RAD51: variants seen among roughly 807,000 people sequenced by gnomAD.
RAD51 encodes RAD51 recombinase.
A neutral mutation model predicts 41.5 loss-of-function variants in RAD51; 14 were observed. The observed-to-expected ratio is 0.34, with a 90% CI of 0.22 to 0.53. The LOEUF (loss-of-function observed/expected upper bound fraction) is 0.53, where lower values mean the gene tolerates loss of function less well. Among genes scored for constraint, RAD51 ranks in the 20% least tolerant of loss-of-function variants. The pLI, the probability that RAD51 is intolerant of heterozygous loss-of-function variation, is 0.95. For missense variants in RAD51, 234 were observed against 422.0 expected (o/e 0.55, Z 3.90); for synonymous variants, 136 against 148.6 (o/e 0.92, Z 0.62).
chr15:40,721,195 T>C (rs1425510795), intron 6 of RAD51, among the ~76,000 whole-genome samples: 2 of 152,118 alleles, frequency 1.3e-5, no homozygotes, highest in Admixed American at 1.3e-4. Context: ...GAAAAGGCAG[T>C]TCTCCTCAGA....
At chr15:40,724,100 A>C (rs1358926121) in intron 6 of RAD51, among the ~76,000 whole-genome samples, 1 of 152,188 alleles carries the variant, frequency 6.6e-6, no homozygotes, top group South Asian at 2.1e-4. Context: ...CAACCTATTG[A>C]ATGTATACCA....
intron 6 of RAD51, among the ~76,000 whole-genome samples, chr15:40,725,633 A>T (rs1453125991): frequency 6.6e-6 from 1 of 152,182 alleles, no homozygotes; most frequent in Non-Finnish European, 1.5e-5. Context: ...AAATTGTCTG[A>T]TGGGACTTCA....
intron 7 of RAD51, 38 bp from the exon 8 acceptor site, chr15:40,729,467 G>C: frequency 6.2e-7 from 1 of 1,607,788 alleles, no homozygotes; most frequent in Middle Eastern, 1.7e-4. Context: ...TCTGACACAG[G>C]CTAGAAATAG....
intron 6 of RAD51, among the ~76,000 whole-genome samples, chr15:40,719,874 T>C (rs1480279785): frequency 4.6e-5 from 7 of 152,020 alleles, no homozygotes. Context: ...AGGAACATTT[T>C]ATAATTAAAA....
intron 7 of RAD51, among the ~76,000 whole-genome samples, chr15:40,729,224 T>A (rs984983756): frequency 2.6e-5 from 4 of 151,488 alleles, no homozygotes; most frequent in African/African-American, 9.7e-5. Flanking sequence ...TACAAAAAAA[T>A]TAGCTGGGTG....
At chr15:40,698,907 T>G in intron 2 of RAD51, 62 bp downstream of exon 2, 1 of 1,463,686 alleles carries the variant, frequency 6.8e-7, no homozygotes, top group Non-Finnish European at 9.6e-7. Context: ...GTGGAAGGTA[T>G]TACAACCTTT....
intron 5 of RAD51, among the ~76,000 whole-genome samples, chr15:40,710,488 C>T (rs1308233474): frequency 9.4e-6 from 1 of 106,256 alleles, no homozygotes; most frequent in Non-Finnish European, 1.7e-5. Flanking sequence ...GTCAAAGAAG[C>T]GAGACTCTGT....
rs373651694 is a variant in RAD51 at position 40,726,715 on chromosome 15, C to A, written c.531-1996C>A. ...GGATCACAAGGTCAGGAGATCGAGA[C>A]CATCCTGGCTAACATGGTGAAACCC... On this transcript the variant is annotated intron_variant, in intron 6 of 9. Transcript: ENST00000267868. Among the ~76,000 whole-genome samples the A allele has an allele frequency of 3.4e-3, 519 of 151,722 alleles. 5 individuals are homozygous for A. Among genetic ancestry groups the A allele is most frequent in the African/African-American group, 0.012 (501 of 41,364 alleles).
chr15:40,700,744 T>G (rs746130608), intron 2 of RAD51, among the ~76,000 whole-genome samples: 1 of 152,184 alleles, frequency 6.6e-6, no homozygotes, highest in Admixed American at 6.6e-5. Flanking sequence ...TATCTCCGGA[T>G]TCTGTATCAG....
intron 3 of RAD51, chr15:40,701,776 A>ATTTT (rs35383252): frequency 2.2e-5 from 3 of 134,860 alleles, no homozygotes; most frequent in Admixed American, 1.3e-4. Flanking sequence ...TATAAAGCAG[A>ATTTT]TTTTTTTTTT....
In RAD51 at chr15:40,701,512, C is replaced by T. The variant is rs4924495; in HGVS notation, c.225+311C>T. Among the ~76,000 whole-genome samples, 73,230 of 150,938 alleles carry T rather than the reference C, an allele frequency of 0.49. 18,840 individuals carry two copies. The highest frequency in any genetic ancestry group is 0.77 in the East Asian group (3,957 of 5,116). ...ACCTCAGCCTCCCAAGTAGCTGGGA[C>T]TACACTACAGGCACATGCCACCATG... On this transcript the variant is annotated intron_variant, in intron 3 of 9. Coordinates refer to ENST00000267868, the MANE Select transcript of RAD51 (RefSeq NM_002875.5).
rs34860677 is a variant in RAD51 at position 40,716,657 on chromosome 15, C to CTTT, written c.436-2129_436-2127dup. On this transcript the variant is annotated intron_variant, in intron 5 of 9. Transcript: ENST00000267868. ...GCCCCCATGCCTGGCCTCTCTACTT[C>CTTT]TTTTTTTTTTTTTTTTTTTTTGAGA... Among the ~76,000 whole-genome samples the CTTT allele has an allele frequency of 2.3e-3, 200 of 88,142 alleles. 1 individual carries two copies. Among genetic ancestry groups the CTTT allele is most frequent in the African/African-American group, 4.4e-3 (104 of 23,412 alleles). The allele number at this position is 88,142 out of a possible 152,430, so 57.8% of individuals were successfully genotyped here.
intron 2 of RAD51, 86 bp from the exon 3 acceptor site, chr15:40,700,978 C>T (rs2141818864): frequency 1.3e-6 from 2 of 1,554,158 alleles, no homozygotes; most frequent in South Asian, 2.3e-5. Flanking sequence ...CTTCAAGCAC[C>T]TCTGTGAAGT....
At chr15:40,729,769 A>G in intron 8 of RAD51, 84 bp from the exon 9 acceptor site, 1 of 1,611,592 alleles carries the variant, frequency 6.2e-7, no homozygotes, top group Non-Finnish European at 8.5e-7. Context: ...GTTATTCGTT[A>G]TTTTGTGGGG....
At chr15:40,704,815 G>A (rs561127562) in intron 3 of RAD51, among the ~76,000 whole-genome samples, 148 of 151,742 alleles carry the variant, frequency 9.8e-4, no homozygotes, top group Non-Finnish European at 1.7e-3. Flanking sequence ...GACTACAGGC[G>A]CGTGCCACCA....
chr15:40,711,162 A>C (rs1403211414), intron 5 of RAD51, among the ~76,000 whole-genome samples: 2 of 152,200 alleles, frequency 1.3e-5, no homozygotes, highest in African/African-American at 4.8e-5. Flanking sequence ...TGGGAAGCCA[A>C]AGTGGGAGGA....
intron 5 of RAD51, among the ~76,000 whole-genome samples, chr15:40,712,862 T>C (rs1895773744): frequency 7.1e-6 from 1 of 140,844 alleles, no homozygotes; most frequent in Admixed American, 7.6e-5. Flanking sequence ...GTTGAGTTTT[T>C]TTTTCTTTTC....
intron 3 of RAD51, among the ~76,000 whole-genome samples, chr15:40,705,635 C>T (rs776631905): frequency 3.2e-4 from 49 of 152,262 alleles, no homozygotes; most frequent in Non-Finnish European, 5.6e-4. Context: ...GACAGAGTCT[C>T]GCTCTGTCCC....
At chr15:40,725,548 T>G (rs1443943040) in intron 6 of RAD51, among the ~76,000 whole-genome samples, 1 of 152,218 alleles carries the variant, frequency 6.6e-6, no homozygotes, top group Non-Finnish European at 1.5e-5. Context: ...TGCATGTTAC[T>G]GTAGCTCTGG....
Sources: allele counts gnomAD v4.1 joint callset (sites outside exome capture counted in the v4.1 genomes callset), GRCh38; gene constraint gnomAD v4.1.1; transcripts MANE v1.5; gene names NCBI Gene and HGNC (gene_info 2026-07-23, HGNC 2026-07-21).